Variants in MYO3A observed in about 807,000 individuals in gnomAD.
MYO3A encodes myosin IIIA, also known as myosin-IIIa.
A neutral mutation model predicts 192.7 loss-of-function variants in MYO3A; 180 were observed. The observed-to-expected ratio is 0.93, with a 90% CI of 0.83 to 1.06. The LOEUF (loss-of-function observed/expected upper bound fraction) is 1.06, where lower values mean the gene tolerates loss of function less well. Among genes scored for constraint, MYO3A ranks in the 50% least tolerant of loss-of-function variants. The probability of loss-of-function intolerance (pLI) is 0.00; values close to 1 mark genes in which losing one functional copy is unlikely to be tolerated. For missense variants in MYO3A, 1,896 were observed against 1,905.0 expected (o/e 1.00, Z 0.09); for synonymous variants, 628 against 645.3 (o/e 0.97, Z 0.41).
rs374432707 is a variant in MYO3A at position 26,145,155 on chromosome 10, G to A, written c.2417-291G>A. On this transcript the variant is annotated intron_variant, in intron 21 of 34. Coordinates refer to ENST00000642920, the MANE Select transcript of MYO3A (RefSeq NM_017433.5). Reference sequence around the variant, plus strand: ...GATCGCACCATTGCACTCCAGCCTGGGCAACAAGAACGAAACTCTGTCTCA... The same window carrying A: ...GATCGCACCATTGCACTCCAGCCTGAGCAACAAGAACGAAACTCTGTCTCA... Among the ~76,000 whole-genome samples the A allele has an allele frequency of 2.3e-3, 337 of 149,662 alleles. 1 individual carries two copies. Among genetic ancestry groups the A allele is most frequent in the African/African-American group, 8.0e-3 (326 of 40,506 alleles).
intron 20 of MYO3A, among the ~76,000 whole-genome samples, chr10:26,135,406 G>A (rs531619957): frequency 3.4e-4 from 51 of 151,976 alleles, no homozygotes; most frequent in African/African-American, 1.2e-3. Flanking sequence ...GGATTAGAAA[G>A]AAGGAAAGAA....
At chr10:26,108,379 C>T (rs1837958645) in intron 17 of MYO3A, among the ~76,000 whole-genome samples, 1 of 152,122 alleles carries the variant, frequency 6.6e-6, no homozygotes, top group South Asian at 2.1e-4. Flanking sequence ...CTAGTAAGAG[C>T]TTAAGCTAAA....
chr10:25,946,892 A>AG (rs1212262690), intron 2 of MYO3A, among the ~76,000 whole-genome samples: 1 of 150,238 alleles, frequency 6.7e-6, no homozygotes, highest in African/African-American at 2.4e-5. Context: ...AAAAAAAAAA[A>AG]AAAAAAAAAA....
intron 10 of MYO3A, among the ~76,000 whole-genome samples, chr10:26,062,963 C>T (rs2176942): frequency 0.47 from 71,860 of 151,916 alleles, 17,839 homozygotes; most frequent in Middle Eastern, 0.59. Flanking sequence ...TGTATTAGCT[C>T]CCATTGAAGA....
At chr10:25,942,282 A>G (rs1237714571) in intron 2 of MYO3A, among the ~76,000 whole-genome samples, 1 of 152,188 alleles carries the variant, frequency 6.6e-6, no homozygotes, top group African/African-American at 2.4e-5. Context: ...GATTACAGGC[A>G]TGAACCACCG....
intron 31 of MYO3A, among the ~76,000 whole-genome samples, chr10:26,179,282 T>A (rs866880245): frequency 1.1e-4 from 16 of 151,650 alleles, no homozygotes; most frequent in Middle Eastern, 3.4e-3. Flanking sequence ...TATTTTTTTT[T>A]ATTAGAGACT....
At chr10:25,969,758 A>G (rs1267325937) in intron 4 of MYO3A, among the ~76,000 whole-genome samples, 2 of 152,196 alleles carry the variant, frequency 1.3e-5, no homozygotes, top group Non-Finnish European at 2.9e-5. Context: ...AGACTATACA[A>G]TTTAAAGGCA....
At chr10:26,211,146 T>A (rs58368492) in intron 34 of MYO3A, among the ~76,000 whole-genome samples, 2 of 152,330 alleles carry the variant, frequency 1.3e-5, no homozygotes, top group African/African-American at 4.8e-5. Context: ...CACTGGTGGC[T>A]GGTACTTAGC....
At position 26,039,979 on chromosome 10, in the gene MYO3A, GT is replaced by G. The variant is rs148509688; in HGVS notation, c.953+13456del. Among the ~76,000 whole-genome samples the G allele has an allele frequency of 3.0e-3, 458 of 150,252 alleles. 5 individuals carry two copies. The highest frequency in any genetic ancestry group is 0.011 in the African/African-American group (438 of 40,924). On this transcript the variant is annotated intron_variant, in intron 10 of 34. Coordinates refer to ENST00000642920, the MANE Select transcript of MYO3A (RefSeq NM_017433.5). ...TACATCATTAGGTTGTTTATTTGAA[GT>G]TTTTTTTTAATTTTTGATGTAAGCA...
intron 31 of MYO3A, among the ~76,000 whole-genome samples, chr10:26,182,078 C>T (rs534699309): frequency 2.0e-4 from 31 of 152,228 alleles, no homozygotes; most frequent in Non-Finnish European, 4.0e-4. Flanking sequence ...TCTTCACATA[C>T]GCGAGGTGGT....
chr10:26,071,349 A>T (rs1835195646), intron 14 of MYO3A, among the ~76,000 whole-genome samples: 1 of 152,202 alleles, frequency 6.6e-6, no homozygotes, highest in African/African-American at 2.4e-5. Flanking sequence ...AAAAAAGAAC[A>T]TTAATCTATA....
At chr10:26,178,428 C>T (rs1327165662) in intron 31 of MYO3A, among the ~76,000 whole-genome samples, 6 of 151,718 alleles carry the variant, frequency 4.0e-5, no homozygotes, top group South Asian at 2.1e-4. Context: ...GGCAGGTGCC[C>T]ATAATACCAG....
chr10:26,021,924 T>C lies in MYO3A; in HGVS notation c.731+276T>C, dbSNP rs78319880. Reference sequence around the variant, plus strand: ...AGAAAATAGCAGTTCCTCCCACCCTTTATCCATTCCCCAATGAGTCAGTGA... The same window carrying C: ...AGAAAATAGCAGTTCCTCCCACCCTCTATCCATTCCCCAATGAGTCAGTGA... On this transcript the variant is annotated intron_variant, in intron 8 of 34. Transcript: ENST00000642920. The C allele has an allele frequency of 5.5e-3, 2,402 of 433,268 alleles. 49 individuals are homozygous for C. The highest frequency in any genetic ancestry group is 0.041 in the African/African-American group (2,034 of 49,750). The allele number at this position is 433,268 out of a possible 1,614,324, so 26.8% of individuals were successfully genotyped here.
In MYO3A at chr10:26,026,865, C is replaced by T. The variant is rs911656151; in HGVS notation, c.953+333C>T. 3.3e-5 allele frequency among the ~76,000 whole-genome samples: 5 copies of T among 152,078 alleles called. No individual in the cohort carries two copies. In the East Asian group the frequency reaches 9.7e-4, roughly 29 times the overall value. On this transcript the variant is annotated intron_variant, in intron 10 of 34. Transcript: ENST00000642920. ...TACAGGCCCATGCCACCATGCCTGGCTAATTTTTTGTATTTTTAGTAGAGA... is the reference window on the plus strand; with the variant it reads ...TACAGGCCCATGCCACCATGCCTGGTTAATTTTTTGTATTTTTAGTAGAGA...
At chr10:25,994,260 T>C (rs563270859) in intron 4 of MYO3A, among the ~76,000 whole-genome samples, 323 of 152,346 alleles carry the variant, frequency 2.1e-3, no homozygotes, top group African/African-American at 7.2e-3. Context: ...CCCTTTACCA[T>C]TATGTAATGG....
intron 6 of MYO3A, among the ~76,000 whole-genome samples, chr10:26,000,320 A>T (rs1840710368): frequency 6.6e-6 from 1 of 152,152 alleles, no homozygotes; most frequent in South Asian, 2.1e-4. Flanking sequence ...AATACTTCGA[A>T]ATTTATTGAC....
At chr10:26,036,200 A>G (rs1843028758) in intron 10 of MYO3A, among the ~76,000 whole-genome samples, 1 of 151,962 alleles carries the variant, frequency 6.6e-6, no homozygotes, top group African/African-American at 2.4e-5. Flanking sequence ...CGACCTCCCA[A>G]AGTGCTAGGA....
chr10:25,955,055 T>A (rs748626923), intron 4 of MYO3A, 47 bp downstream of exon 4: 1 of 1,600,452 alleles, frequency 6.2e-7, no homozygotes, highest in African/African-American at 1.3e-5. Context: ...TAGAGTGTGG[T>A]TCTGAAATGA....
At chr10:26,042,516 C>T (rs537953535) in intron 10 of MYO3A, among the ~76,000 whole-genome samples, 2 of 151,844 alleles carry the variant, frequency 1.3e-5, no homozygotes, top group South Asian at 4.2e-4. Context: ...TTTCCTTTGT[C>T]TCTTCTGATT....
Sources: gnomAD v4.1 joint callset for allele counts (sites outside exome capture counted in the v4.1 genomes callset) on GRCh38, gnomAD v4.1.1 for gene constraint, MANE v1.5 for transcripts, NCBI Gene and HGNC (gene_info 2026-07-23, HGNC 2026-07-21) for gene names.